The following EDEM3 variants were observed in gnomAD, a reference collection of about 807,000 sequenced individuals.
The protein encoded by EDEM3 is ER degradation-enhancing alpha-mannosidase-like protein 3.
Under a neutral mutation model 110.2 loss-of-function variants are expected in EDEM3, and 60 were observed. The ratio of observed to expected loss-of-function variants is 0.54; its 90% CI spans 0.44 to 0.67. The LOEUF is 0.67. Ranked by LOEUF, EDEM3 falls within the 30% of genes least tolerant of loss-of-function variation. The probability of loss-of-function intolerance (pLI) is 0.00; values close to 1 mark genes in which losing one functional copy is unlikely to be tolerated. For synonymous variants in EDEM3, 352 were observed against 382.9 expected (o/e 0.92, Z 0.94); for missense variants, 996 against 1,121.0 (o/e 0.89, Z 1.59).
At chr1:184,731,138 A>C (rs926461386) in intron 6 of EDEM3, among the ~76,000 whole-genome samples, 1 of 152,234 alleles carries the variant, frequency 6.6e-6, no homozygotes, top group Non-Finnish European at 1.5e-5. Context: ...AGGCATAAGA[A>C]AAGAAAAAAA....
chr1:184,744,197 A>G (rs1391751427), intron 2 of EDEM3, among the ~76,000 whole-genome samples: 2 of 148,584 alleles, frequency 1.3e-5, no homozygotes, highest in Non-Finnish European at 3.0e-5. Flanking sequence ...TAAGGGACTA[A>G]TATCCAGAAC....
intron 16 of EDEM3, 116 bp from the exon 17 acceptor site, chr1:184,708,460 A>G: frequency 1.0e-6 from 1 of 992,890 alleles, no homozygotes; most frequent in Non-Finnish European, 1.5e-6. Flanking sequence ...CTTTCACTTT[A>G]GGTCACCACC....
intron 17 of EDEM3, among the ~76,000 whole-genome samples, chr1:184,707,850 A>G (rs1650015392): frequency 6.6e-6 from 1 of 152,168 alleles, no homozygotes; most frequent in Admixed American, 6.6e-5. Flanking sequence ...GAAAGGTTCT[A>G]GTGGCTCTTA....
At chr1:184,720,518 T>A in intron 9 of EDEM3, 1 of 148,050 alleles carries the variant, frequency 6.8e-6, no homozygotes, top group African/African-American at 2.6e-5. Flanking sequence ...ACTTTTTTTT[T>A]TTTTTTTTTG....
Position 184,708,208 on chromosome 1 carries a change from A to G in EDEM3, c.1982T>C (p.Val661Ala). Residue 661 changes from valine (V) to alanine (A), a missense_variant, in exon 17 of 20, where the codon GTA (valine) becomes GCA (alanine). Around this residue, in one of 5 missense-constraint regions of EDEM3, gnomAD observed 345 missense variants for 402.0 expected, o/e 0.86. Transcript: ENST00000318130. Reference sequence around the variant, plus strand: ...CTGAGCTGGTCCAGCAGTCAATACTACCCTGCCAAAAAATGGGTGGGAAAC... The same window carrying G: ...CTGAGCTGGTCCAGCAGTCAATACTGCCCTGCCAAAAAATGGGTGGGAAAC... ...QIVSHPFFGR[V>A]VLTAGPAQFG... is the part of the protein sequence containing the mutation. 2 of 1,613,806 alleles carry G rather than the reference A, an allele frequency of 1.2e-6. No individual in the cohort carries two copies. The highest frequency in any genetic ancestry group is 1.7e-6 in the Non-Finnish European group (2 of 1,179,862).
intron 4 of EDEM3, among the ~76,000 whole-genome samples, chr1:184,735,981 T>C (rs1388173930): frequency 6.6e-6 from 1 of 152,218 alleles, no homozygotes; most frequent in Non-Finnish European, 1.5e-5. Flanking sequence ...CACACAGTAT[T>C]TTCTCTTTCT....
chr1:184,694,652 A>G (rs1037983015), intron 19 of EDEM3, among the ~76,000 whole-genome samples, 180 bp from the exon 20 acceptor site: 1 of 152,112 alleles, frequency 6.6e-6, no homozygotes, highest in African/African-American at 2.4e-5. Flanking sequence ...ACATTTTCCT[A>G]TAGATTCACT....
intron 6 of EDEM3, 102 bp downstream of exon 6, chr1:184,732,735 C>G: frequency 8.7e-7 from 1 of 1,150,512 alleles, no homozygotes; most frequent in Non-Finnish European, 1.2e-6. Flanking sequence ...ATTTTTTTTT[C>G]AGCCTCAAGC....
rs1571333159 is a variant in EDEM3 at position 184,690,371 on chromosome 1, A to G, written c.*3692T>C. ...ACAAGCTTGGGTTTCTACAGCCTAA[A>G]ATGTCCCCAGAATTCAATCCCCGGA... On this transcript the variant is annotated 3_prime_UTR_variant, in exon 20 of 20. Transcript: ENST00000318130. 6.6e-6 allele frequency: 1 copy of G among 151,842 alleles called. No homozygotes were observed. Among genetic ancestry groups the G allele is most frequent in the South Asian group, 2.1e-4 (1 of 4,782 alleles). 9.4% of individuals were successfully genotyped at this position (151,842 alleles called of 1,614,324 possible).
chr1:184,696,054 T>G (rs1349066465), intron 19 of EDEM3, among the ~76,000 whole-genome samples: 1 of 151,942 alleles, frequency 6.6e-6, no homozygotes, highest in African/African-American at 2.4e-5. Flanking sequence ...AATTTTCTTA[T>G]CTAAGGAAGC....
chr1:184,752,646 A>G (rs910038775), intron 1 of EDEM3, among the ~76,000 whole-genome samples: 1 of 152,254 alleles, frequency 6.6e-6, no homozygotes, highest in Non-Finnish European at 1.5e-5. Context: ...TCTTTTACAA[A>G]TAAGTTTTTA....
At position 184,732,951 on chromosome 1, in the gene EDEM3, T is replaced by C. The variant is rs1651609874; in HGVS notation, c.498A>G (p.Lys166=). The change falls in exon 6 of 20, where the codon AAA becomes AAG. Residue 166 remains lysine, a synonymous_variant. Transcript: ENST00000318130. ...LGGHSLAIML[K]EKGEYMQWYN... ...ACCACTGCATATATTCACCTTTTTC[T>C]TTCAGCATGATTGCCAGGGAGTGCC... is the stretch of plus-strand genomic sequence containing the variant. 1 of 1,613,986 alleles carries C rather than the reference T, an allele frequency of 6.2e-7. No individual in the cohort carries two copies. Among genetic ancestry groups the C allele is most frequent in the African/African-American group, 1.3e-5 (1 of 75,044 alleles).
intron 17 of EDEM3, among the ~76,000 whole-genome samples, 180 bp downstream of exon 17, chr1:184,707,973 A>G (rs1650022023): frequency 6.6e-6 from 1 of 152,226 alleles, no homozygotes; most frequent in African/African-American, 2.4e-5. Context: ...AGCATATTAT[A>G]TACATAAATT....
In EDEM3 at chr1:184,737,053, G is replaced by A; in HGVS notation, c.317C>T (p.Thr106Ile). ...VDDALGKFSL[T>I]LIDSLDTLVV... is the part of the protein sequence containing the mutation. ...AAGAGTGTCCAAAGAATCAATCAGT[G>A]TCAGAGAAAATCTAAGAAACAAGCG... is the stretch of plus-strand genomic sequence containing the variant. Residue 106 changes from threonine to isoleucine, a missense_variant, in exon 4 of 20, where the codon ACA (threonine) becomes ATA (isoleucine). This residue lies in a region of EDEM3 where 200 missense variants were observed against 183.8 expected (regional missense o/e 1.09). Coordinates refer to ENST00000318130, the MANE Select transcript of EDEM3 (RefSeq NM_025191.4). 6.2e-7 allele frequency: 1 copy of A among 1,605,300 alleles called. No individual in the cohort carries two copies. The highest frequency in any genetic ancestry group is 8.5e-7 in the Non-Finnish European group (1 of 1,177,724).
At chr1:184,704,649 CAAA>C (rs58913815) in intron 18 of EDEM3, among the ~76,000 whole-genome samples, 238 of 29,852 alleles carry the variant, frequency 8.0e-3, no homozygotes, top group South Asian at 0.039. Context: ...GACTCTGTCT[CAAA>C]AAAAAAAAAA....
chr1:184,754,726 G>C lies in EDEM3; in HGVS notation c.-80C>G, dbSNP rs2102148327. 7.0e-7 allele frequency: 1 copy of C among 1,430,124 alleles called. No homozygotes were observed. The highest frequency in any genetic ancestry group is 9.1e-7 in the Non-Finnish European group (1 of 1,098,722). 88.6% of individuals were successfully genotyped at this position (1,430,124 alleles called of 1,614,324 possible). A position where few individuals can be genotyped will look rare whatever the true frequency, so the allele number is the denominator to read the frequency against. ...GCTGGACGCTGGTGGCCAGGGGGCTGCTAGCCGTGCCGAGACGGGGCGGGA... is the reference window on the plus strand; with the variant it reads ...GCTGGACGCTGGTGGCCAGGGGGCTCCTAGCCGTGCCGAGACGGGGCGGGA... On this transcript the variant is annotated 5_prime_UTR_variant, in exon 1 of 20. Transcript: ENST00000318130.
At chr1:184,709,561 C>T (rs1028935704) in intron 16 of EDEM3, among the ~76,000 whole-genome samples, 5 of 152,168 alleles carry the variant, frequency 3.3e-5, no homozygotes, top group African/African-American at 1.2e-4. Flanking sequence ...CCAATAGTTA[C>T]AGAAAAGTTA....
chr1:184,748,931 C>T (rs1437560535), intron 2 of EDEM3, among the ~76,000 whole-genome samples: 1 of 152,200 alleles, frequency 6.6e-6, no homozygotes, highest in Non-Finnish European at 1.5e-5. Context: ...TTTCAAATTA[C>T]AATTTATGTG....
intron 1 of EDEM3, among the ~76,000 whole-genome samples, chr1:184,751,748 A>G (rs1652779041): frequency 6.6e-6 from 1 of 152,214 alleles, no homozygotes; most frequent in South Asian, 2.1e-4. Context: ...TAATTTCTGT[A>G]AGTCGGCTTT....
Sources: gnomAD v4.1 joint callset for allele counts (sites outside exome capture counted in the v4.1 genomes callset) on GRCh38, gnomAD v4.1.1 for gene constraint, gnomAD v4.1.1 regional missense constraint, MANE v1.5 for transcripts, NCBI Gene and HGNC (gene_info 2026-07-23, HGNC 2026-07-21) for gene names.